TMTC2: variants seen among roughly 807,000 people sequenced by gnomAD.
TMTC2 encodes protein O-mannosyl-transferase TMTC2.
Under a neutral mutation model 82.4 loss-of-function variants are expected in TMTC2, and 43 were observed. The observed-to-expected ratio is 0.52, with a 90% CI of 0.41 to 0.67. TMTC2 has a LOEUF of 0.67. Ranked by LOEUF, TMTC2 falls within the 30% of genes least tolerant of loss-of-function variation. The pLI is 0.00. For synonymous variants in TMTC2, 408 were observed against 381.9 expected (o/e 1.07, Z -0.80); for missense variants, 919 against 1,012.4 (o/e 0.91, Z 1.25).
At chr12:82,931,600 T>G (rs1876034658) in intron 4 of TMTC2, among the ~76,000 whole-genome samples, 1 of 152,188 alleles carries the variant, frequency 6.6e-6, no homozygotes, top group Non-Finnish European at 1.5e-5. Context: ...CTCCCCTAAC[T>G]GGAAATTCCT....
At chr12:83,030,419 G>T (rs1846461363) in intron 8 of TMTC2, among the ~76,000 whole-genome samples, 1 of 152,076 alleles carries the variant, frequency 6.6e-6, no homozygotes, top group African/African-American at 2.4e-5. Context: ...GAAAAAGAAG[G>T]AATGAAGAGG....
intron 7 of TMTC2, among the ~76,000 whole-genome samples, chr12:82,969,137 G>A (rs1259747326): frequency 6.6e-6 from 1 of 152,118 alleles, no homozygotes; most frequent in African/African-American, 2.4e-5. Context: ...GAAAAAAAAT[G>A]ACCCAGGAGA....
intron 10 of TMTC2, 101 bp from the exon 11 acceptor site, chr12:83,061,667 A>T: frequency 9.9e-7 from 1 of 1,012,708 alleles, no homozygotes; most frequent in Non-Finnish European, 1.4e-6. Context: ...GTTTGGTGTG[A>T]CCAGAATTTT....
chr12:82,897,735 A>T (rs1873753645), intron 3 of TMTC2, among the ~76,000 whole-genome samples: 1 of 151,964 alleles, frequency 6.6e-6, no homozygotes, highest in Admixed American at 6.6e-5. Context: ...CACGTTAGCC[A>T]GGCCGGTCTC....
intron 1 of TMTC2, among the ~76,000 whole-genome samples, chr12:82,751,044 C>G (rs1180253934): frequency 6.6e-6 from 1 of 152,108 alleles, no homozygotes; most frequent in Admixed American, 6.6e-5. Flanking sequence ...TAACAAATTT[C>G]TGGGATAATG....
At chr12:82,876,028 C>CGGTGGTGGTGGTGGTGGT (rs748180026) in intron 2 of TMTC2, among the ~76,000 whole-genome samples, 50 of 83,460 alleles carry the variant, frequency 6.0e-4, no homozygotes, top group African/African-American at 1.6e-3. Context: ...GTAGTGGTGG[C>CGGTGGTGGTGGTGGTGGT]GGTGGTGGTG....
At chr12:82,941,317 C>T (rs2137262772) in intron 4 of TMTC2, among the ~76,000 whole-genome samples, 1 of 152,178 alleles carries the variant, frequency 6.6e-6, no homozygotes, top group African/African-American at 2.4e-5. Context: ...GGCTCAGTGC[C>T]CATGTACCAT....
chr12:83,045,727 G>GGGCTCACACACACACACACACACACA lies in TMTC2; in HGVS notation c.2153-5177_2153-5176insGGCTCACACACACACACACACACACA, dbSNP rs1437284307. On this transcript the variant is annotated intron_variant, in intron 9 of 11. Coordinates refer to ENST00000321196, the MANE Select transcript of TMTC2 (RefSeq NM_152588.3). ...CTCCTTCACACACACACACACACAC[G>GGGCTCACACACACACACACACACACA]CACACACACACACACACACACACAC... Among the ~76,000 whole-genome samples the GGGCTCACACACACACACACACACACA allele has an allele frequency of 4.6e-3, 656 of 142,514 alleles. 13 individuals carry two copies. The highest frequency in any genetic ancestry group is 0.012 in the African/African-American group (465 of 37,654). 93.5% of individuals were successfully genotyped at this position (142,514 alleles called of 152,430 possible).
chr12:82,945,081 C>T (rs1233591907), intron 4 of TMTC2, among the ~76,000 whole-genome samples: 1 of 152,148 alleles, frequency 6.6e-6, no homozygotes, highest in Non-Finnish European at 1.5e-5. Flanking sequence ...CCTCTTATAG[C>T]AATGGAAATT....
intron 1 of TMTC2, among the ~76,000 whole-genome samples, chr12:82,688,402 G>A (rs1470402585): frequency 6.6e-6 from 1 of 152,176 alleles, no homozygotes; most frequent in African/African-American, 2.4e-5. Flanking sequence ...TCTGCACTTA[G>A]GTTAGTTTGG....
At chr12:83,052,889 T>A (rs1472830988) in intron 10 of TMTC2, among the ~76,000 whole-genome samples, 1 of 152,158 alleles carries the variant, frequency 6.6e-6, no homozygotes, top group Non-Finnish European at 1.5e-5. Flanking sequence ...CATCATTAAG[T>A]TGCAGTCAGT....
Position 82,718,275 on chromosome 12 carries a change from C to T in TMTC2, c.83+30606C>T, listed in dbSNP as rs1018740772. 7.2e-5 allele frequency among the ~76,000 whole-genome samples: 11 copies of T among 152,162 alleles called. No individual in the cohort carries two copies. In the South Asian group the frequency reaches 8.3e-4, roughly 11 times the overall value. On this transcript the variant is annotated intron_variant, in intron 1 of 11. Transcript: ENST00000321196. ...AAAAGCAAAAATCAAAAAACTGCTC[C>T]ATCTATTCTTTCACATTGCAGGGTA...
chr12:82,747,182 G>A (rs1044464113), intron 1 of TMTC2, among the ~76,000 whole-genome samples: 2 of 152,212 alleles, frequency 1.3e-5, no homozygotes, highest in African/African-American at 4.8e-5. Flanking sequence ...AACACACACA[G>A]AGTGATCATT....
chr12:82,960,535 A>C (rs1877871844), intron 4 of TMTC2, among the ~76,000 whole-genome samples: 3 of 152,088 alleles, frequency 2.0e-5, no homozygotes, highest in African/African-American at 7.2e-5. Flanking sequence ...CAGAAAACCA[A>C]ATACTGCATG....
At chr12:82,718,838 A>T (rs1252071570) in intron 1 of TMTC2, among the ~76,000 whole-genome samples, 1 of 151,894 alleles carries the variant, frequency 6.6e-6, no homozygotes, top group Non-Finnish European at 1.5e-5. Context: ...AGACAAGTTT[A>T]TTAAGATTCA....
intron 8 of TMTC2, among the ~76,000 whole-genome samples, chr12:82,996,065 G>C (rs1879603276): frequency 6.6e-6 from 1 of 152,122 alleles, no homozygotes; most frequent in Admixed American, 6.6e-5. Context: ...TCAGTTTTTA[G>C]ATTTTTCTTC....
At chr12:82,717,500 G>A (rs1457474782) in intron 1 of TMTC2, among the ~76,000 whole-genome samples, 1 of 152,154 alleles carries the variant, frequency 6.6e-6, no homozygotes, top group East Asian at 1.9e-4. Context: ...CAAAGTGCTG[G>A]CATTACAGGT....
Position 82,687,267 on chromosome 12 carries a change from C to A in TMTC2, c.-320C>A. On this transcript the variant is annotated 5_prime_UTR_variant, in exon 1 of 12. Coordinates refer to ENST00000321196, the MANE Select transcript of TMTC2 (RefSeq NM_152588.3). ...AACTGCCATGGGTTAGGGTGGGGATCGCGACCCGCGCGAAAGACCAGCCCT... is the reference window on the plus strand; with the variant it reads ...AACTGCCATGGGTTAGGGTGGGGATAGCGACCCGCGCGAAAGACCAGCCCT... 2.3e-6 allele frequency: 1 copy of A among 434,754 alleles called. No homozygotes were observed. Among genetic ancestry groups the A allele is most frequent in the East Asian group, 4.8e-5 (1 of 20,874 alleles). The allele number at this position is 434,754 out of a possible 1,614,324, so 26.9% of individuals were successfully genotyped here.
chr12:83,085,101 A>G (rs961785116), intron 11 of TMTC2, among the ~76,000 whole-genome samples: 3 of 152,156 alleles, frequency 2.0e-5, no homozygotes, highest in African/African-American at 4.8e-5. Context: ...AACCCTCTCC[A>G]TCATGGGCGA....
Sources: allele counts gnomAD v4.1 joint callset (sites outside exome capture counted in the v4.1 genomes callset), GRCh38; gene constraint gnomAD v4.1.1; transcripts MANE v1.5; gene names NCBI Gene and HGNC (gene_info 2026-07-23, HGNC 2026-07-21).